Variants in CTNNA3 observed in about 807,000 individuals in gnomAD.
CTNNA3 encodes the protein catenin alpha 3, also known as catenin alpha-3.
In CTNNA3, 76 loss-of-function variants were observed where a neutral mutation model predicts 95.7. The ratio of observed to expected loss-of-function variants is 0.79; its 90% CI spans 0.66 to 0.96. CTNNA3 has a LOEUF of 0.96. Ranked by LOEUF, CTNNA3 falls within the 40% of genes least tolerant of loss-of-function variation. CTNNA3 has a pLI of 0.00. For missense variants in CTNNA3, 1,191 were observed against 1,089.8 expected (o/e 1.09, Z -1.31); for synonymous variants, 431 against 374.4 (o/e 1.15, Z -1.74).
At chr10:67,692,053 G>A (rs544536347) in intron 1 of CTNNA3, among the ~76,000 whole-genome samples, 3 of 142,920 alleles carry the variant, frequency 2.1e-5, no homozygotes, top group East Asian at 2.2e-4. Flanking sequence ...CAGCCGCCCC[G>A]TCCGGGAGGG....
At chr10:67,703,971 A>AT (rs1369703310) in intron 1 of CTNNA3, among the ~76,000 whole-genome samples, 2 of 152,248 alleles carry the variant, frequency 1.3e-5, no homozygotes, top group Non-Finnish European at 2.9e-5. Flanking sequence ...AAGCATTCTT[A>AT]TACACCAATA....
chr10:67,218,390 C>T (rs975575590), intron 6 of CTNNA3, among the ~76,000 whole-genome samples: 2 of 152,172 alleles, frequency 1.3e-5, no homozygotes, highest in African/African-American at 4.8e-5. Context: ...AACCTGCATC[C>T]AGTGACTGAA....
chr10:67,263,023 G>A lies in CTNNA3; in HGVS notation c.580-43153C>T, dbSNP rs146689474. 1.7e-3 allele frequency among the ~76,000 whole-genome samples: 257 copies of A among 152,266 alleles called. 4 individuals are homozygous for A. In the East Asian group the frequency reaches 0.029, roughly 17 times the overall value. On this transcript the variant is annotated intron_variant, in intron 5 of 17. Coordinates refer to ENST00000433211, the MANE Select transcript of CTNNA3 (RefSeq NM_013266.4). ...TATAGGAACTAGTTAGTAGGGAGAA[G>A]GGGATAAAACTTGATGCCATAACAC...
intron 13 of CTNNA3, among the ~76,000 whole-genome samples, chr10:66,198,920 T>A (rs1051911282): frequency 2.0e-5 from 3 of 152,236 alleles, no homozygotes; most frequent in Non-Finnish European, 2.9e-5. Context: ...TATGTTTTCA[T>A]TCAGCTGGAC....
chr10:66,862,231 AAG>A (rs1156877542), intron 7 of CTNNA3, among the ~76,000 whole-genome samples: 2 of 152,050 alleles, frequency 1.3e-5, no homozygotes, highest in East Asian at 3.9e-4. Flanking sequence ...AAAAAACAAA[AAG>A]AAGTTTGGTG....
intron 7 of CTNNA3, among the ~76,000 whole-genome samples, chr10:67,072,347 T>C (rs1291130134): frequency 1.3e-5 from 2 of 152,234 alleles, no homozygotes; most frequent in African/African-American, 2.4e-5. Context: ...GCCAGTTACC[T>C]GTAATATCTG....
At chr10:67,108,973 AAAGT>A (rs1338244841) in intron 7 of CTNNA3, among the ~76,000 whole-genome samples, 1 of 152,112 alleles carries the variant, frequency 6.6e-6, no homozygotes, top group African/African-American at 2.4e-5. Context: ...GAATAAACTT[AAAGT>A]AATTAATAAA....
intron 6 of CTNNA3, among the ~76,000 whole-genome samples, chr10:67,201,843 G>A (rs995020759): frequency 6.6e-6 from 1 of 152,152 alleles, no homozygotes; most frequent in African/African-American, 2.4e-5. Flanking sequence ...GTGCAATGTG[G>A]AAGTATAAGG....
At chr10:66,370,300 G>T (rs1366449890) in intron 12 of CTNNA3, among the ~76,000 whole-genome samples, 22 of 152,072 alleles carry the variant, frequency 1.4e-4, no homozygotes, top group Middle Eastern at 3.2e-3. Context: ...GCAGCTACAG[G>T]CTATTCATAC....
intron 3 of CTNNA3, among the ~76,000 whole-genome samples, chr10:67,585,099 G>T (rs547169745): frequency 1.3e-5 from 2 of 152,292 alleles, no homozygotes; most frequent in South Asian, 4.1e-4. Context: ...AGACGAACCT[G>T]GTACCTCAGT....
At chr10:67,613,284 C>G (rs1254114819) in intron 2 of CTNNA3, among the ~76,000 whole-genome samples, 1 of 151,878 alleles carries the variant, frequency 6.6e-6, no homozygotes, top group East Asian at 1.9e-4. Context: ...CTACCACGAA[C>G]TCAATAAGGA....
chr10:66,110,947 C>A (rs2082100172), intron 13 of CTNNA3, among the ~76,000 whole-genome samples: 1 of 152,132 alleles, frequency 6.6e-6, no homozygotes, highest in Non-Finnish European at 1.5e-5. Context: ...ATACTATAGG[C>A]AACTGTAACA....
intron 3 of CTNNA3, among the ~76,000 whole-genome samples, chr10:67,544,617 A>G (rs112319244): frequency 0.011 from 1,615 of 152,326 alleles, 42 homozygotes; most frequent in African/African-American, 0.037. Flanking sequence ...ATCAACCAGT[A>G]TACTGGAGGA....
At chr10:66,022,937 T>A (rs10996832) in intron 15 of CTNNA3, among the ~76,000 whole-genome samples, 36,319 of 152,084 alleles carry the variant, frequency 0.24, 4,627 homozygotes, top group African/African-American at 0.32. Flanking sequence ...TGTGAGGACT[T>A]CCCTAAAATA....
At chr10:67,691,329 A>G (rs1840847568) in intron 1 of CTNNA3, among the ~76,000 whole-genome samples, 1 of 152,172 alleles carries the variant, frequency 6.6e-6, no homozygotes, top group Non-Finnish European at 1.5e-5. Context: ...CTGGGAAGTG[A>G]GGAGCATCTC....
At chr10:66,630,268 A>G (rs1028716605) in intron 9 of CTNNA3, among the ~76,000 whole-genome samples, 4 of 152,142 alleles carry the variant, frequency 2.6e-5, no homozygotes, top group Non-Finnish European at 4.4e-5. Flanking sequence ...TCAGCAGCAG[A>G]AATTCAGGAC....
At chr10:66,413,592 G>C (rs976301036) in intron 11 of CTNNA3, among the ~76,000 whole-genome samples, 3 of 152,100 alleles carry the variant, frequency 2.0e-5, no homozygotes, top group African/African-American at 7.2e-5. Flanking sequence ...TTTATAGTTG[G>C]TACAAGCAAT....
chr10:66,375,962 C>T (rs16922911), intron 12 of CTNNA3, among the ~76,000 whole-genome samples: 11,554 of 152,130 alleles, frequency 0.076, 554 homozygotes, highest in East Asian at 0.21. Flanking sequence ...TGCCAGTTGC[C>T]AACAGTGGAT....
At chr10:66,765,000 G>T (rs1371197721) in intron 9 of CTNNA3, among the ~76,000 whole-genome samples, 1 of 152,050 alleles carries the variant, frequency 6.6e-6, no homozygotes, top group African/African-American at 2.4e-5. Flanking sequence ...TACATCTAAG[G>T]CCAATTGAAA....
Sources: allele counts gnomAD v4.1 joint callset (sites outside exome capture counted in the v4.1 genomes callset), GRCh38; gene constraint gnomAD v4.1.1; transcripts MANE v1.5; gene names NCBI Gene and HGNC (gene_info 2026-07-23, HGNC 2026-07-21).